The following SMOC2 variants were observed in gnomAD, a reference collection of about 807,000 sequenced individuals.
SMOC2 encodes the protein SPARC related modular calcium binding 2.
In SMOC2, 39 loss-of-function variants were observed where a neutral mutation model predicts 61.4. The ratio of observed to expected loss-of-function variants is 0.64; its 90% CI spans 0.49 to 0.83. SMOC2 has a LOEUF of 0.83. Among genes scored for constraint, SMOC2 ranks in the 40% least tolerant of loss-of-function variants. SMOC2 has a pLI of 0.00. For synonymous variants in SMOC2, 247 were observed against 239.9 expected, an observed-to-expected ratio of 1.03 and a Z score of -0.27; for missense variants, 556 against 592.9, an observed-to-expected ratio of 0.94 and a Z score of 0.65.
chr6:168,657,754 A>G (rs1787363306), intron 11 of SMOC2, among the ~76,000 whole-genome samples: 1 of 152,128 alleles, frequency 6.6e-6, no homozygotes, highest in Non-Finnish European at 1.5e-5. Flanking sequence ...TCATCCCCAA[A>G]TAGAAGGGCG....
intron 9 of SMOC2, among the ~76,000 whole-genome samples, chr6:168,613,594 A>G (rs1407372239): frequency 6.6e-6 from 1 of 152,114 alleles, no homozygotes; most frequent in African/African-American, 2.4e-5. Flanking sequence ...AGGGCATGGC[A>G]CAGTGCCTCT....
intron 2 of SMOC2, among the ~76,000 whole-genome samples, chr6:168,525,114 GT>G (rs1261370789): frequency 6.6e-6 from 1 of 152,172 alleles, no homozygotes; most frequent in Non-Finnish European, 1.5e-5. Flanking sequence ...CTGGAAATAC[GT>G]TTTTTAAAAA....
rs1227239389 is a variant in SMOC2 at position 168,441,282 on chromosome 6, C to G, written c.-89C>G. ...GCGGAGCCGCCCCTCCACGCGCCCG[C>G]CCAGCCGCGCTCGCCCACTGGGCTC... On this transcript the variant is annotated 5_prime_UTR_variant, in exon 1 of 13. Coordinates refer to ENST00000356284, the MANE Select transcript of SMOC2 (RefSeq NM_001166412.2). 2 of 1,412,730 alleles carry G rather than the reference C, an allele frequency of 1.4e-6. No homozygotes were observed. Among genetic ancestry groups the G allele is most frequent in the African/African-American group, 3.0e-5 (2 of 66,332 alleles). The allele number at this position is 1,412,730 out of a possible 1,614,324, so 87.5% of individuals were successfully genotyped here. A position where few individuals can be genotyped will look rare whatever the true frequency, so the allele number is the denominator to read the frequency against.
At chr6:168,640,973 C>G (rs910886040) in intron 9 of SMOC2, among the ~76,000 whole-genome samples, 1 of 152,128 alleles carries the variant, frequency 6.6e-6, no homozygotes. Context: ...GTTGTTTGGA[C>G]AGTAAACAGT....
rs547123194 is a variant in SMOC2 at position 168,502,431 on chromosome 6, C to G, written c.85-7484C>G. 2.0e-5 allele frequency among the ~76,000 whole-genome samples: 3 copies of G among 152,370 alleles called. No individual in the cohort carries two copies. The South Asian group carries it at 6.2e-4, about 32-fold the overall frequency. Reference sequence around the variant, plus strand: ...TTGCCAGCCCGATGGCCCTCCATGCCCTGCATCTGCCCACAGCCACCTTCT... The same window carrying G: ...TTGCCAGCCCGATGGCCCTCCATGCGCTGCATCTGCCCACAGCCACCTTCT... On this transcript the variant is annotated intron_variant, in intron 1 of 12. Coordinates refer to ENST00000356284, the MANE Select transcript of SMOC2 (RefSeq NM_001166412.2).
intron 7 of SMOC2, among the ~76,000 whole-genome samples, chr6:168,573,607 C>G (rs1431956964): frequency 6.6e-6 from 1 of 152,150 alleles, no homozygotes; most frequent in Non-Finnish European, 1.5e-5. Flanking sequence ...CAGCGAGCGC[C>G]TGCGACAGGG....
chr6:168,659,041 T>TGTGTGTG (rs1202525529), intron 11 of SMOC2, among the ~76,000 whole-genome samples: 1 of 138,026 alleles, frequency 7.2e-6, no homozygotes. Context: ...TGTGTATGTG[T>TGTGTGTG]GTGTGTGGCG....
chr6:168,526,980 T>C (rs897677538), intron 3 of SMOC2, among the ~76,000 whole-genome samples: 1 of 152,210 alleles, frequency 6.6e-6, no homozygotes, highest in African/African-American at 2.4e-5. Context: ...GTGTCAATGC[T>C]GTTAACTCCT....
chr6:168,615,665 G>A (rs1786066268), intron 9 of SMOC2, among the ~76,000 whole-genome samples: 2 of 110,304 alleles, frequency 1.8e-5, no homozygotes, highest in Non-Finnish European at 1.8e-5. Flanking sequence ...AGCACAGGGG[G>A]CCTCTTCACA....
intron 11 of SMOC2, among the ~76,000 whole-genome samples, chr6:168,659,691 AGGGTG>A (rs1787443064): frequency 1.9e-3 from 176 of 94,910 alleles, no homozygotes; most frequent in Middle Eastern, 7.9e-3. Context: ...GGTTGTAGGT[AGGGTG>A]AGGGTGGAGG....
At chr6:168,625,912 C>T (rs1257579252) in intron 9 of SMOC2, among the ~76,000 whole-genome samples, 1 of 152,186 alleles carries the variant, frequency 6.6e-6, no homozygotes, top group African/African-American at 2.4e-5. Context: ...AAGCGAATTC[C>T]GTGGTTACGT....
intron 8 of SMOC2, among the ~76,000 whole-genome samples, chr6:168,603,943 G>A (rs2115195063): frequency 6.6e-6 from 1 of 152,320 alleles, no homozygotes; most frequent in South Asian, 2.1e-4. Flanking sequence ...GAAGCTTTTG[G>A]TTTCATGTAG....
chr6:168,535,956 T>C lies in SMOC2; in HGVS notation c.464-7669T>C, dbSNP rs867740051. Among the ~76,000 whole-genome samples the C allele has an allele frequency of 8.5e-5, 13 of 152,220 alleles. No homozygotes were observed. Among genetic ancestry groups the C allele is most frequent in the Admixed American group, 3.3e-4 (5 of 15,286 alleles). ...CACGTGAGGAATAACGCAGCAGCCA[T>C]GCAGCTTCACGGCACAGGGGCCCGG... On this transcript the variant is annotated intron_variant, in intron 4 of 12. Transcript: ENST00000356284. This position sits in a 1 kb window ranked among gnomAD's most constrained non-coding sequence, Gnocchi z 4.6.
At chr6:168,456,866 T>A (rs1176973029) in intron 1 of SMOC2, among the ~76,000 whole-genome samples, 1 of 152,008 alleles carries the variant, frequency 6.6e-6, no homozygotes. Flanking sequence ...GGGCAACGGG[T>A]GGGTCGTCAT....
At chr6:168,631,882 G>A (rs1786579423) in intron 9 of SMOC2, among the ~76,000 whole-genome samples, 1 of 152,096 alleles carries the variant, frequency 6.6e-6, no homozygotes, top group African/African-American at 2.4e-5. Flanking sequence ...TTCATTTCCT[G>A]CACACAGCGG....
At chr6:168,649,532 C>A (rs1787138334) in intron 9 of SMOC2, among the ~76,000 whole-genome samples, 1 of 152,156 alleles carries the variant, frequency 6.6e-6, no homozygotes, top group Non-Finnish European at 1.5e-5. Flanking sequence ...TCTCTTTCTA[C>A]TGAACTCTGG....
rs111647011 is a variant in SMOC2 at position 168,538,336 on chromosome 6, C to A, written c.464-5289C>A. Among the ~76,000 whole-genome samples the A allele has an allele frequency of 4.1e-3, 528 of 128,160 alleles. 15 individuals are homozygous for A. The highest frequency in any genetic ancestry group is 0.016 in the African/African-American group (492 of 30,896). The allele number at this position is 128,160 out of a possible 152,430, so 84.1% of individuals were successfully genotyped here. A position where few individuals can be genotyped will look rare whatever the true frequency, so the allele number is the denominator to read the frequency against. On this transcript the variant is annotated intron_variant, in intron 4 of 12. Transcript: ENST00000356284. ...CTGGAATGTGGGGGAGTGGGGTGAC[C>A]GCTGCTGGAATGTGGGGAGTGGGGT...
intron 1 of SMOC2, among the ~76,000 whole-genome samples, chr6:168,472,972 G>A (rs1196442842): frequency 4.6e-5 from 7 of 151,814 alleles, no homozygotes; most frequent in Non-Finnish European, 8.8e-5. Flanking sequence ...CTACAGCACC[G>A]GGGAAGGCTC....
chr6:168,649,378 G>A lies in SMOC2; in HGVS notation c.908-1303G>A, dbSNP rs576397315. Among the ~76,000 whole-genome samples, 4 of 152,146 alleles carry A rather than the reference G, an allele frequency of 2.6e-5. No individual in the cohort carries two copies. In the South Asian group the frequency reaches 8.3e-4, roughly 31 times the overall value. ...GTGCTCTCCAGGCTCAGAAGTCTCC[G>A]TGGGTGTCCCTAGCCCCAGCAGAGC... On this transcript the variant is annotated intron_variant, in intron 9 of 12. Coordinates refer to ENST00000356284, the MANE Select transcript of SMOC2 (RefSeq NM_001166412.2).
Sources: allele counts gnomAD v4.1 joint callset (sites outside exome capture counted in the v4.1 genomes callset), GRCh38; gene constraint gnomAD v4.1.1; non-coding constraint Gnocchi (gnomAD v3.1); transcripts MANE v1.5; gene names NCBI Gene and HGNC (gene_info 2026-07-23, HGNC 2026-07-21).